The following NXNL2 variants were observed in gnomAD, a reference collection of about 807,000 sequenced individuals.
NXNL2 encodes nucleoredoxin like 2.
Under a neutral mutation model 11.1 loss-of-function variants are expected in NXNL2, and 7 were observed. The ratio of observed to expected loss-of-function variants is 0.63; its 90% CI spans 0.36 to 1.18. The LOEUF (loss-of-function observed/expected upper bound fraction) is 1.18. Ranked by LOEUF, NXNL2 falls within the 50% of genes most tolerant of loss-of-function variation. NXNL2 has a pLI of 0.02. For synonymous variants in NXNL2, 109 were observed against 101.8 expected, an observed-to-expected ratio of 1.07 and a Z score of -0.42; for missense variants, 233 against 217.7, an observed-to-expected ratio of 1.07 and a Z score of -0.44.
At chr9:88,578,204 G>T (rs1830368688), downstream of NXNL2, among the ~76,000 whole-genome samples, 1 of 152,198 alleles carries the variant, frequency 6.6e-6, no homozygotes, top group Non-Finnish European at 1.5e-5. Context: ...ATAACTGGAC[G>T]CAGGATAAGA....
exon 2 of NXNL2, chr9:88,571,195 A>T (rs1265342985): frequency 3.5e-6 from 1 of 288,530 alleles, no homozygotes; most frequent in African/African-American, 2.3e-5. Context: ...CCTCCTGAGC[A>T]TCTGGGACTA....
chr9:88,574,246 A>C (rs1180526898), intron 2 of NXNL2, among the ~76,000 whole-genome samples: 1 of 152,260 alleles, frequency 6.6e-6, no homozygotes, highest in Non-Finnish European at 1.5e-5. Flanking sequence ...GAATGGATAC[A>C]CAAATGTGGT....
chr9:88,571,318 C>A (rs1196321170), intron 2 of NXNL2: 3 of 225,038 alleles, frequency 1.3e-5, no homozygotes, highest in Middle Eastern at 1.7e-3. Context: ...GATCCACTTG[C>A]CTCGACCTTC....
downstream of NXNL2, among the ~76,000 whole-genome samples, chr9:88,579,360 G>C (rs1018429521): frequency 2.0e-5 from 3 of 152,308 alleles, no homozygotes; most frequent in Middle Eastern, 3.4e-3. Context: ...GGAGTCAGGT[G>C]TGGCCTGACT....
At chr9:88,577,228 T>C (rs1830358019), downstream of NXNL2, among the ~76,000 whole-genome samples, 1 of 152,042 alleles carries the variant, frequency 6.6e-6, no homozygotes, top group Admixed American at 6.6e-5. Flanking sequence ...GAAGAGGAAT[T>C]AGCTCCCTGA....
chr9:88,540,143 T>C (rs377461530), intron 1 of NXNL2, among the ~76,000 whole-genome samples: 6 of 151,936 alleles, frequency 3.9e-5, no homozygotes, highest in South Asian at 2.1e-4. Context: ...CCATCCTGGC[T>C]AACACGGTGA....
At chr9:88,560,173 A>G (rs914810662) in intron 1 of NXNL2, among the ~76,000 whole-genome samples, 2 of 152,080 alleles carry the variant, frequency 1.3e-5, no homozygotes, top group Admixed American at 6.6e-5. Context: ...TGATGAAAAA[A>G]GGCCTGGTCA....
At chr9:88,558,724 T>G (rs1312660878) in intron 1 of NXNL2, among the ~76,000 whole-genome samples, 1 of 152,108 alleles carries the variant, frequency 6.6e-6, no homozygotes, top group Non-Finnish European at 1.5e-5. Flanking sequence ...ATTATAAGAC[T>G]CCCAGCTGGT....
chr9:88,542,150 A>G lies in NXNL2; in HGVS notation c.303-2229A>G, dbSNP rs796125430. The stretch of plus-strand genomic sequence containing the variant: ...CGGGAGGCTGAGGCAGGAGAATGGC[A>G]TGAACCCAGGAGGCGGAGCTTGCAG... On this transcript the variant is annotated intron_variant, in intron 1 of 1. Coordinates refer to ENST00000375854, the MANE Select transcript of NXNL2 (RefSeq NM_001161625.2). 1.2e-3 allele frequency among the ~76,000 whole-genome samples: 182 copies of G among 151,732 alleles called. 2 individuals carry two copies. The highest frequency in any genetic ancestry group is 4.2e-3 in the African/African-American group (172 of 41,426).
At chr9:88,578,667 C>T (rs1387340275), downstream of NXNL2, among the ~76,000 whole-genome samples, 1 of 152,232 alleles carries the variant, frequency 6.6e-6, no homozygotes, top group African/African-American at 2.4e-5. Context: ...ACTGCCCCCT[C>T]GTGGTCATCT....
chr9:88,561,533 C>A (rs1461035471), intron 1 of NXNL2, among the ~76,000 whole-genome samples: 1 of 152,072 alleles, frequency 6.6e-6, no homozygotes, highest in Admixed American at 6.6e-5. Flanking sequence ...TCTAGGAGAA[C>A]CCTGACTAAT....
At chr9:88,540,362 G>A (rs185817416) in intron 1 of NXNL2, among the ~76,000 whole-genome samples, 2 of 151,882 alleles carry the variant, frequency 1.3e-5, no homozygotes, top group Non-Finnish European at 2.9e-5. Flanking sequence ...TGTTGTGCAG[G>A]ATTCTTAAGA....
downstream of NXNL2, among the ~76,000 whole-genome samples, chr9:88,546,576 C>T (rs189539114): frequency 1.3e-4 from 20 of 151,730 alleles, no homozygotes; most frequent in African/African-American, 3.4e-4. Context: ...CCACCAAGCC[C>T]GGCTAATTTT....
At chr9:88,537,750 C>G (rs1439672725) in intron 1 of NXNL2, among the ~76,000 whole-genome samples, 5 of 152,210 alleles carry the variant, frequency 3.3e-5, no homozygotes, top group African/African-American at 1.2e-4. Flanking sequence ...GCCCACAGGA[C>G]AGAGCCAGAC....
At chr9:88,562,962 C>CTGTGT (rs1830105890) in intron 1 of NXNL2, among the ~76,000 whole-genome samples, 1 of 151,656 alleles carries the variant, frequency 6.6e-6, no homozygotes, top group Non-Finnish European at 1.5e-5. Flanking sequence ...GTGGCACACA[C>CTGTGT]CTGTAGTCCC....
At chr9:88,561,473 A>G (rs763618528) in intron 1 of NXNL2, among the ~76,000 whole-genome samples, 17 of 152,102 alleles carry the variant, frequency 1.1e-4, no homozygotes, top group African/African-American at 3.6e-4. Flanking sequence ...CTATCTATCT[A>G]TCTATCTTTC....
chr9:88,577,965 C>A (rs1281071779), downstream of NXNL2, among the ~76,000 whole-genome samples: 1 of 152,208 alleles, frequency 6.6e-6, no homozygotes, highest in African/African-American at 2.4e-5. Context: ...AGGCCCCTGC[C>A]GTTATATTCA....
chr9:88,553,766 C>T (rs1274312582), intron 1 of NXNL2, among the ~76,000 whole-genome samples: 1 of 152,082 alleles, frequency 6.6e-6, no homozygotes, highest in Non-Finnish European at 1.5e-5. Flanking sequence ...AATAAATCCT[C>T]AAGATTAAAG....
chr9:88,571,285 T>C (rs1830262003), intron 2 of NXNL2: 1 of 227,390 alleles, frequency 4.4e-6, no homozygotes, highest in Non-Finnish European at 8.8e-6. Context: ...TCCAGGCTGA[T>C]CTCGAACTCC....
Sources: gnomAD v4.1 joint callset for allele counts (sites outside exome capture counted in the v4.1 genomes callset) on GRCh38, gnomAD v4.1.1 for gene constraint, MANE v1.5 for transcripts, NCBI Gene and HGNC (gene_info 2026-07-23, HGNC 2026-07-21) for gene names.